CHRM5: variants seen among roughly 807,000 people sequenced by gnomAD.
CHRM5 encodes muscarinic acetylcholine receptor M5.
In CHRM5, 18 loss-of-function variants were observed where a neutral mutation model predicts 39.0. The ratio of observed to expected loss-of-function variants is 0.46; its 90% CI spans 0.32 to 0.68. The LOEUF is 0.68. Among genes scored for constraint, CHRM5 ranks in the 30% least tolerant of loss-of-function variants. CHRM5 has a pLI of 0.04. For synonymous variants in CHRM5, 241 were observed against 246.3 expected, an observed-to-expected ratio of 0.98 and a Z score of 0.20; for missense variants, 515 against 651.1, an observed-to-expected ratio of 0.79 and a Z score of 2.28.
At chr15:34,044,330 C>G (rs1040793352) in intron 1 of CHRM5, among the ~76,000 whole-genome samples, 1 of 152,192 alleles carries the variant, frequency 6.6e-6, no homozygotes, top group African/African-American at 2.4e-5. Flanking sequence ...GGTCAGGTCA[C>G]TGGCCTAATC....
At chr15:33,970,617 T>C (rs1467002384) in intron 1 of CHRM5, among the ~76,000 whole-genome samples, 1 of 151,938 alleles carries the variant, frequency 6.6e-6, no homozygotes, top group Non-Finnish European at 1.5e-5. Context: ...TTCAAAAATA[T>C]GTAGATATTT....
chr15:34,030,202 TGAG>T (rs1340152279), intron 1 of CHRM5, among the ~76,000 whole-genome samples: 1 of 152,072 alleles, frequency 6.6e-6, no homozygotes, highest in African/African-American at 2.4e-5. Context: ...TGCAGGGAGC[TGAG>T]ATCACACCAC....
At chr15:34,019,141 C>A (rs1395507670) in intron 1 of CHRM5, among the ~76,000 whole-genome samples, 1 of 152,198 alleles carries the variant, frequency 6.6e-6, no homozygotes, top group Non-Finnish European at 1.5e-5. Context: ...GAAAAGTTCT[C>A]CAAGTCCCCA....
At chr15:33,984,904 G>A (rs1385589157) in intron 1 of CHRM5, among the ~76,000 whole-genome samples, 6 of 151,754 alleles carry the variant, frequency 4.0e-5, no homozygotes, top group Admixed American at 3.9e-4. Flanking sequence ...CATGTCCTGT[G>A]TCATACACTA....
intron 2 of CHRM5, among the ~76,000 whole-genome samples, chr15:34,056,398 T>TC (rs1318646635): frequency 6.6e-6 from 1 of 152,196 alleles, no homozygotes; most frequent in Non-Finnish European, 1.5e-5. Flanking sequence ...ATTCATGGAT[T>TC]CCACAGGATA....
At chr15:33,981,505 G>A (rs1027031952) in intron 1 of CHRM5, among the ~76,000 whole-genome samples, 8 of 152,092 alleles carry the variant, frequency 5.3e-5, no homozygotes, top group African/African-American at 1.9e-4. Flanking sequence ...TGGGGGGAAG[G>A]GGAGGAAACA....
At chr15:34,019,620 T>C (rs1898114155) in intron 1 of CHRM5, among the ~76,000 whole-genome samples, 1 of 152,204 alleles carries the variant, frequency 6.6e-6, no homozygotes, top group South Asian at 2.1e-4. Flanking sequence ...CCATTTCTCA[T>C]CCTATACACA....
At chr15:34,053,532 A>G (rs1218248950) in intron 2 of CHRM5, among the ~76,000 whole-genome samples, 1 of 151,880 alleles carries the variant, frequency 6.6e-6, no homozygotes. Context: ...CTACACATCT[A>G]CAAACATCTG....
At chr15:33,993,092 C>T (rs965054505) in intron 1 of CHRM5, among the ~76,000 whole-genome samples, 3 of 152,164 alleles carry the variant, frequency 2.0e-5, no homozygotes, top group African/African-American at 7.2e-5. Context: ...CTCTGGCTAT[C>T]TGTGACATCT....
intron 1 of CHRM5, among the ~76,000 whole-genome samples, chr15:34,015,805 T>C (rs1473177364): frequency 2.0e-5 from 3 of 152,212 alleles, no homozygotes; most frequent in African/African-American, 7.2e-5. Context: ...ATCTTTCTCA[T>C]AGGTGTTATT....
chr15:34,012,345 T>C (rs1169109523), intron 1 of CHRM5, among the ~76,000 whole-genome samples: 2 of 152,206 alleles, frequency 1.3e-5, no homozygotes, highest in Admixed American at 1.3e-4. Flanking sequence ...TGTTAAATCA[T>C]ATGATTAAAG....
Position 34,000,879 on chromosome 15 carries a change from G to A in CHRM5, c.-408+31729G>A, listed in dbSNP as rs547773813. Among the ~76,000 whole-genome samples, 7 of 152,228 alleles carry A rather than the reference G, an allele frequency of 4.6e-5. No homozygotes were observed. In the South Asian group the frequency reaches 1.5e-3, roughly 32 times the overall value. ...AATCACAGATAAACAAGCCACTTCA[G>A]AAGAAATCAGTAAGCAAAGAGACTA... On this transcript the variant is annotated intron_variant, in intron 1 of 2. Coordinates refer to ENST00000383263, the MANE Select transcript of CHRM5 (RefSeq NM_012125.4).
At chr15:33,993,343 C>A (rs1181028154) in intron 1 of CHRM5, among the ~76,000 whole-genome samples, 1 of 152,140 alleles carries the variant, frequency 6.6e-6, no homozygotes, top group African/African-American at 2.4e-5. Flanking sequence ...ACAAAGACAC[C>A]TAAAGACTCA....
chr15:34,064,038 G>A lies in CHRM5; in HGVS notation c.1321G>A (p.Ala441Thr). ...RVVLVKERKAAQTLSAILLAF... is the reference protein window; with the variant it reads ...RVVLVKERKATQTLSAILLAF... ...GGTCCTAGTCAAAGAGAGGAAAGCA[G>A]CCCAGACACTGAGTGCCATTCTCCT... The change falls in exon 3 of 3, where the codon GCC becomes ACC. Residue 441 changes from alanine (A) to threonine (T), a missense_variant. Transcript: ENST00000383263. 1.9e-6 allele frequency: 3 copies of A among 1,614,140 alleles called. No homozygotes were observed. Among genetic ancestry groups the A allele is most frequent in the Non-Finnish European group, 2.5e-6 (3 of 1,180,026 alleles).
At position 34,052,945 on chromosome 15, in the gene CHRM5, T is replaced by C. The variant is rs535051541; in HGVS notation, c.-76+6074T>C. 2.0e-5 allele frequency among the ~76,000 whole-genome samples: 3 copies of C among 152,200 alleles called. No homozygotes were observed. In the South Asian group the frequency reaches 6.2e-4, roughly 32 times the overall value. Reference sequence around the variant, plus strand: ...CCAAAGTAGTTTATAGATTCAATGCTAATCTCATGAAACTACCATTGATAT... The same window carrying C: ...CCAAAGTAGTTTATAGATTCAATGCCAATCTCATGAAACTACCATTGATAT... On this transcript the variant is annotated intron_variant, in intron 2 of 2. Coordinates refer to ENST00000383263, the MANE Select transcript of CHRM5 (RefSeq NM_012125.4).
intron 1 of CHRM5, among the ~76,000 whole-genome samples, chr15:34,033,891 G>A (rs1020593046): frequency 9.9e-5 from 15 of 152,172 alleles, no homozygotes; most frequent in Middle Eastern, 3.4e-3. Context: ...AAGTTTAAGC[G>A]ATTCTCCCGC....
chr15:33,971,220 G>A (rs1311175494), intron 1 of CHRM5, among the ~76,000 whole-genome samples: 2 of 152,018 alleles, frequency 1.3e-5, no homozygotes, highest in Non-Finnish European at 2.9e-5. Context: ...ATTCTGAACA[G>A]TCTTGGGATG....
chr15:34,018,389 TCA>T (rs2140701845), intron 1 of CHRM5: 1 of 152,316 alleles, frequency 6.6e-6, no homozygotes, highest in East Asian at 1.9e-4. Context: ...CTTCAGATGT[TCA>T]GATGTGTCGA....
chr15:33,988,615 G>T (rs1039744527), intron 1 of CHRM5, among the ~76,000 whole-genome samples: 2 of 152,156 alleles, frequency 1.3e-5, no homozygotes, highest in African/African-American at 4.8e-5. Flanking sequence ...TGGCCACAGG[G>T]CTCATTTACA....
Sources: allele counts gnomAD v4.1 joint callset (sites outside exome capture counted in the v4.1 genomes callset), GRCh38; gene constraint gnomAD v4.1.1; transcripts MANE v1.5; gene names NCBI Gene and HGNC (gene_info 2026-07-23, HGNC 2026-07-21).